The following TRDMT1 variants were observed in gnomAD, a reference collection of about 807,000 sequenced individuals.
The protein encoded by TRDMT1 is tRNA aspartic acid methyltransferase 1.
In TRDMT1, 49 loss-of-function variants were observed where a neutral mutation model predicts 51.2. That is an observed-to-expected ratio of 0.96 (90% CI 0.76 to 1.21). TRDMT1 has a LOEUF of 1.21. Ranked by LOEUF, TRDMT1 falls within the 50% of genes most tolerant of loss-of-function variation. The pLI is 0.00. For synonymous variants in TRDMT1, 187 were observed against 164.6 expected (o/e 1.14, Z -1.04); for missense variants, 534 against 462.3 (o/e 1.16, Z -1.42).
chr10:17,197,499 T>C (rs1340705726), intron 1 of TRDMT1, among the ~76,000 whole-genome samples: 7 of 152,256 alleles, frequency 4.6e-5, no homozygotes. Flanking sequence ...ATTTTTTAAA[T>C]GTTCACTGGG....
chr10:17,182,468 G>A (rs1843388737), intron 1 of TRDMT1, among the ~76,000 whole-genome samples: 1 of 152,194 alleles, frequency 6.6e-6, no homozygotes. Flanking sequence ...TTCCTATGAG[G>A]AGAAGCATTT....
At chr10:17,167,625 T>C (rs183256071) in intron 3 of TRDMT1, among the ~76,000 whole-genome samples, 13 of 152,298 alleles carry the variant, frequency 8.5e-5, no homozygotes, top group Non-Finnish European at 1.3e-4. Context: ...TAGCCAAATA[T>C]ATATATACAC....
Position 17,146,560 on chromosome 10 carries a change from C to A in TRDMT1, c.*2480G>T. 1.0e-6 allele frequency: 1 copy of A among 985,070 alleles called. No individual in the cohort carries two copies. Among genetic ancestry groups the A allele is most frequent in the Non-Finnish European group, 1.2e-6 (1 of 829,654 alleles). The allele number at this position is 985,070 out of a possible 1,614,324, so 61.0% of individuals were successfully genotyped here. ...CTGAAGACATACTAAAAATATGAAG[C>A]AGGGTAATAAATACCTTACAATTAT... On this transcript the variant is annotated 3_prime_UTR_variant, in exon 11 of 11. Coordinates refer to ENST00000377799, the MANE Select transcript of TRDMT1 (RefSeq NM_004412.7).
rs770662062 is a variant in TRDMT1 at position 17,157,604 on chromosome 10, T to G, written c.724A>C (p.Asn242His). Residue 242 changes from asparagine (N) to histidine (H), a missense_variant, in exon 8 of 11, where the codon AAT becomes CAT. Physicochemically the swap from Asn to His is moderately conservative, Grantham distance 68. Coordinates refer to ENST00000377799, the MANE Select transcript of TRDMT1 (RefSeq NM_004412.7). ...LETAEEIHRKNQQDSDLSVKM... is the reference protein window; with the variant it reads ...LETAEEIHRKHQQDSDLSVKM... ...ACAGAGAGATCACTATCTTGTTGATTTTTCCTGTGAATTTCTTCTGCAGTT... is the reference window on the plus strand; with the variant it reads ...ACAGAGAGATCACTATCTTGTTGATGTTTCCTGTGAATTTCTTCTGCAGTT... 6.2e-7 allele frequency: 1 copy of G among 1,613,886 alleles called. No individual in the cohort carries two copies. The highest frequency in any genetic ancestry group is 1.3e-5 in the African/African-American group (1 of 74,942).
intron 4 of TRDMT1, 102 bp from the exon 5 acceptor site, chr10:17,161,650 G>T: frequency 1.5e-6 from 1 of 677,532 alleles, no homozygotes; most frequent in Non-Finnish European, 2.2e-6. Flanking sequence ...GTAATTTTCT[G>T]AACTCTTTTT....
intron 8 of TRDMT1, 100 bp from the exon 9 acceptor site, chr10:17,154,834 A>T: frequency 2.0e-6 from 2 of 998,100 alleles, no homozygotes; most frequent in Non-Finnish European, 1.5e-6. Context: ...ACACAGTTAC[A>T]TCCTTCTGAA....
At position 17,139,327 on chromosome 10, in the gene TRDMT1, T is replaced by C. The variant is rs1837517624; in HGVS notation, c.*9713A>G. The C allele has an allele frequency of 4.4e-6, 2 of 451,966 alleles. No individual in the cohort carries two copies. The highest frequency in any genetic ancestry group is 2.1e-5 in the African/African-American group (1 of 47,068). The allele number at this position is 451,966 out of a possible 1,614,324, so 28.0% of individuals were successfully genotyped here. A position where few individuals can be genotyped will look rare whatever the true frequency, so the allele number is the denominator to read the frequency against. On this transcript the variant is annotated 3_prime_UTR_variant, in exon 11 of 11. Transcript: ENST00000377799. The stretch of plus-strand genomic sequence containing the variant: ...GGAAAATGTCTGATTGCACTCAGAC[T>C]TCAGCATGAATGACAGAAGAAATGT...
Position 17,201,630 on chromosome 10 carries a change from T to G in TRDMT1, c.5A>C (p.Glu2Ala). ...GTATAGCTCCAGCACCCGCAGGGGC[T>G]CCATCCCCGCGCCTCAGCCGCCGCA... Reference protein sequence around the residue: MEPLRVLELYSG... With the variant: MAPLRVLELYSG... The change falls in exon 1 of 11, where the codon GAG becomes GCG. Residue 2 changes from glutamate to alanine, a missense_variant. Physicochemically the swap from Glu to Ala is moderately radical, Grantham distance 107. Transcript: ENST00000377799. The G allele has an allele frequency of 6.5e-7, 1 of 1,543,354 alleles. No individual in the cohort carries two copies. Among genetic ancestry groups the G allele is most frequent in the East Asian group, 2.5e-5 (1 of 40,288 alleles).
At chr10:17,153,715 C>T in intron 9 of TRDMT1, 79 bp from the exon 10 acceptor site, 1 of 1,420,794 alleles carries the variant, frequency 7.0e-7, no homozygotes, top group South Asian at 1.4e-5. Context: ...ATAGTTGAAA[C>T]TCGATGGACA....
At chr10:17,150,650 G>A in intron 10 of TRDMT1, 1 of 985,040 alleles carries the variant, frequency 1.0e-6, no homozygotes, top group African/African-American at 1.7e-5. Flanking sequence ...AAACAATTAG[G>A]AGCATTAAGA....
At position 17,153,615 on chromosome 10, in the gene TRDMT1, G is replaced by A. The variant is rs1005229682; in HGVS notation, c.967C>T (p.Leu323Phe). The A allele has an allele frequency of 1.7e-5, 27 of 1,591,230 alleles. No homozygotes were observed. Among genetic ancestry groups the A allele is most frequent in the Non-Finnish European group, 2.1e-5 (24 of 1,169,750 alleles). The change falls in exon 10 of 11, where the codon CTT becomes TTT. Residue 323 changes from leucine to phenylalanine, a missense_variant. Leu to Phe is a conservative substitution (Grantham distance 22, BLOSUM62 0). Coordinates refer to ENST00000377799, the MANE Select transcript of TRDMT1 (RefSeq NM_004412.7). ...DVQVENIYKS[L>F]TNLSQEEQIT... is the part of the protein sequence containing the mutation. ...TGTTCTTCTTGTGACAAATTGGTAA[G>A]GGATTTGTAGATATTCTCAACCTGT...
chr10:17,185,096 T>G (rs912270591), intron 1 of TRDMT1, among the ~76,000 whole-genome samples: 12 of 152,206 alleles, frequency 7.9e-5, no homozygotes, highest in Admixed American at 6.5e-4. Flanking sequence ...TTCTGAGGAT[T>G]AAATGAGTTA....
intron 1 of TRDMT1, among the ~76,000 whole-genome samples, chr10:17,185,056 A>T (rs1414622445): frequency 6.6e-6 from 1 of 152,154 alleles, no homozygotes; most frequent in African/African-American, 2.4e-5. Flanking sequence ...ACCTATTAAG[A>T]GGATAATAAA....
Position 17,140,104 on chromosome 10 carries a change from A to C in TRDMT1, c.*8936T>G, listed in dbSNP as rs1837557017. ...CCTGTCACCCAGGCTGGAATGATGC[A>C]ATGGCACGACCTCGGCTCACTGCAA... is the stretch of plus-strand genomic sequence containing the variant. On this transcript the variant is annotated 3_prime_UTR_variant, in exon 11 of 11. Coordinates refer to ENST00000377799, the MANE Select transcript of TRDMT1 (RefSeq NM_004412.7). Among the ~76,000 whole-genome samples the C allele has an allele frequency of 7.9e-6, 1 of 126,984 alleles. No individual in the cohort carries two copies. Among genetic ancestry groups the C allele is most frequent in the Non-Finnish European group, 1.6e-5 (1 of 63,750 alleles). 83.3% of individuals were successfully genotyped at this position (126,984 alleles called of 152,430 possible). A position where few individuals can be genotyped will look rare whatever the true frequency, so the allele number is the denominator to read the frequency against.
At chr10:17,176,566 A>G (rs1206094677) in intron 1 of TRDMT1, among the ~76,000 whole-genome samples, 3 of 152,220 alleles carry the variant, frequency 2.0e-5, no homozygotes, top group Non-Finnish European at 2.9e-5. Context: ...GGATTGATGC[A>G]CATATTTTAG....
intron 10 of TRDMT1, among the ~76,000 whole-genome samples, chr10:17,149,989 T>C (rs1838475700): frequency 6.6e-6 from 1 of 152,142 alleles, no homozygotes. Flanking sequence ...TTCTCTTGGA[T>C]ATATACATAG....
At position 17,159,206 on chromosome 10, in the gene TRDMT1, T is replaced by C; in HGVS notation, c.483A>G (p.Leu161=). Reference sequence around the variant, plus strand: ...GAAGCTTTGCAATAAGAAAATATCGTAGCCTTGAATTTGGAATGCCAAGCT... The same window carrying C: ...GAAGCTTTGCAATAAGAAAATATCGCAGCCTTGAATTTGGAATGCCAAGCT... ...PTSLGIPNSR[L]RYFLIAKLQS... Residue 161 remains leucine (L), a synonymous_variant, in exon 7 of 11, where the codon CTA becomes CTG. Transcript: ENST00000377799. 6.2e-7 allele frequency: 1 copy of C among 1,602,804 alleles called. No individual in the cohort carries two copies. Among genetic ancestry groups the C allele is most frequent in the Non-Finnish European group, 8.5e-7 (1 of 1,174,160 alleles).
intron 10 of TRDMT1, chr10:17,150,532 G>C: frequency 3.0e-6 from 3 of 985,310 alleles, no homozygotes; most frequent in Non-Finnish European, 3.6e-6. Context: ...GACTGTCCAC[G>C]TACAAGCGTG....
At chr10:17,153,756 T>C in intron 9 of TRDMT1, 120 bp from the exon 10 acceptor site, 1 of 1,007,972 alleles carries the variant, frequency 9.9e-7, no homozygotes, top group Non-Finnish European at 1.4e-6. Context: ...AGTGGCAAAG[T>C]GCACAGGGCA....
Sources: gnomAD v4.1 joint callset for allele counts (sites outside exome capture counted in the v4.1 genomes callset) on GRCh38, gnomAD v4.1.1 for gene constraint, MANE v1.5 for transcripts, NCBI Gene and HGNC (gene_info 2026-07-23, HGNC 2026-07-21) for gene names.